Variants in CCDC73 observed in about 807,000 individuals in gnomAD.
CCDC73 encodes coiled-coil domain-containing protein 73.
A neutral mutation model predicts 116.5 loss-of-function variants in CCDC73; 95 were observed. The ratio of observed to expected loss-of-function variants is 0.82; its 90% CI spans 0.69 to 0.97. The LOEUF (loss-of-function observed/expected upper bound fraction) is 0.97, where lower values mean the gene tolerates loss of function less well. Among genes scored for constraint, CCDC73 ranks in the 50% least tolerant of loss-of-function variants. The probability of loss-of-function intolerance (pLI) is 0.00; values close to 1 mark genes in which losing one functional copy is unlikely to be tolerated. For missense variants in CCDC73, 1,066 were observed against 1,206.8 expected, an observed-to-expected ratio of 0.88 and a Z score of 1.73; for synonymous variants, 398 against 401.3, an observed-to-expected ratio of 0.99 and a Z score of 0.10.
At chr11:32,738,214 T>C (rs1850152765) in intron 2 of CCDC73, among the ~76,000 whole-genome samples, 1 of 152,260 alleles carries the variant, frequency 6.6e-6, no homozygotes, top group Non-Finnish European at 1.5e-5. Context: ...TTTGGGTATA[T>C]ACCTAGTGGT....
Position 32,771,880 on chromosome 11 carries a change from T to C in CCDC73, c.-15-11622A>G, listed in dbSNP as rs116607129. The stretch of plus-strand genomic sequence containing the variant: ...TTGCCTTACAATTTGTTTTGGTCAG[T>C]AGGCCTTGAAGTCTTTGCTCTTTGA... On this transcript the variant is annotated intron_variant, in intron 1 of 17. Coordinates refer to ENST00000335185, the MANE Select transcript of CCDC73 (RefSeq NM_001008391.4). Among the ~76,000 whole-genome samples, 1,099 of 152,346 alleles carry C rather than the reference T, an allele frequency of 7.2e-3. 17 individuals carry two copies. Among genetic ancestry groups the C allele is most frequent in the African/African-American group, 0.025 (1,059 of 41,576 alleles).
At chr11:32,685,095 T>C (rs1416596966) in intron 6 of CCDC73, among the ~76,000 whole-genome samples, 1 of 152,086 alleles carries the variant, frequency 6.6e-6, no homozygotes, top group African/African-American at 2.4e-5. Flanking sequence ...AGTACAATAA[T>C]TACTACACAT....
chr11:32,628,179 A>T (rs1855594141), intron 14 of CCDC73, among the ~76,000 whole-genome samples: 2 of 152,178 alleles, frequency 1.3e-5, no homozygotes, highest in Non-Finnish European at 2.9e-5. Context: ...AACAGGGAAA[A>T]TTGCGTTCTC....
chr11:32,713,680 GGACA>G (rs1214355669), intron 3 of CCDC73, among the ~76,000 whole-genome samples: 5 of 152,008 alleles, frequency 3.3e-5, no homozygotes, highest in Non-Finnish European at 7.4e-5. Context: ...GACACTTTCA[GGACA>G]GACACTTGGT....
rs1481503063 is a variant in CCDC73 at position 32,653,298 on chromosome 11, T to C, written c.835-71A>G. 3 of 949,246 alleles carry C rather than the reference T, an allele frequency of 3.2e-6. No homozygotes were observed. The African/African-American group carries it at 5.0e-5, about 16-fold the overall frequency. 58.8% of individuals were successfully genotyped at this position (949,246 alleles called of 1,614,324 possible). A position where few individuals can be genotyped will look rare whatever the true frequency, so the allele number is the denominator to read the frequency against. On this transcript the variant is annotated intron_variant, in intron 11 of 17. Transcript: ENST00000335185. Reference sequence around the variant, plus strand: ...TATGTTTCTAAAATCATTCTTCACATACATTTTCTAGTTTCCTAACTCACT... The same window carrying C: ...TATGTTTCTAAAATCATTCTTCACACACATTTTCTAGTTTCCTAACTCACT...
chr11:32,819,161 T>C, the CCDC73 span, among the ~76,000 whole-genome samples: 2 of 104,800 alleles, frequency 1.9e-5, no homozygotes, highest in Non-Finnish European at 3.8e-5. Flanking sequence ...ATTAGGACAG[T>C]GATTTTTTTT....
chr11:32,674,193 C>T (rs1856064227), intron 9 of CCDC73, among the ~76,000 whole-genome samples: 1 of 152,118 alleles, frequency 6.6e-6, no homozygotes, highest in Non-Finnish European at 1.5e-5. Context: ...TAAATAACTA[C>T]AAATTAAGTG....
At position 32,763,791 on chromosome 11, in the gene CCDC73, A is replaced by T. The variant is rs1850414575; in HGVS notation, c.-15-3533T>A. ...ATGACTTTGACGATTTGAGAGAAGA[A>T]GGCTTCAGATGATCAAACTTCTCCA... On this transcript the variant is annotated intron_variant, in intron 1 of 17. Transcript: ENST00000335185. Among the ~76,000 whole-genome samples, 4 of 152,248 alleles carry T rather than the reference A, an allele frequency of 2.6e-5. No homozygotes were observed. The South Asian group carries it at 8.3e-4, about 32-fold the overall frequency.
intron 17 of CCDC73, 46 bp from the exon 18 acceptor site, chr11:32,603,066 G>T: frequency 6.8e-7 from 1 of 1,464,724 alleles, no homozygotes; most frequent in Non-Finnish European, 9.3e-7. Flanking sequence ...TTATACAAAA[G>T]ATTTTAAAGA....
the CCDC73 span, among the ~76,000 whole-genome samples, chr11:32,806,975 T>C: frequency 6.6e-6 from 1 of 152,002 alleles, no homozygotes; most frequent in Non-Finnish European, 1.5e-5. Flanking sequence ...TAAGAAGGGG[T>C]CCAGGGAAGA....
At chr11:32,655,527 C>G (rs1232717002) in intron 9 of CCDC73, among the ~76,000 whole-genome samples, 4 of 152,104 alleles carry the variant, frequency 2.6e-5, no homozygotes, top group Admixed American at 2.6e-4. Flanking sequence ...CACAAAGCCA[C>G]AGAAACATGA....
intron 2 of CCDC73, among the ~76,000 whole-genome samples, chr11:32,724,655 T>C (rs961222696): frequency 6.6e-6 from 1 of 151,888 alleles, no homozygotes; most frequent in Non-Finnish European, 1.5e-5. Flanking sequence ...AAAAGATGGA[T>C]AGCACAGAGC....
chr11:32,797,597 T>C (rs77955768), upstream of CCDC73, among the ~76,000 whole-genome samples: 7,455 of 152,340 alleles, frequency 0.049, 201 homozygotes, highest in African/African-American at 0.068. Context: ...ATCTTTATTG[T>C]AGTATTTATC....
intron 13 of CCDC73, among the ~76,000 whole-genome samples, chr11:32,638,245 T>G (rs374779295): frequency 1.3e-5 from 2 of 152,372 alleles, no homozygotes; most frequent in East Asian, 3.9e-4. Flanking sequence ...TCCTCCATAC[T>G]GTTGCAAGAA....
At chr11:32,824,161 T>G in the CCDC73 span, among the ~76,000 whole-genome samples, 142 of 152,232 alleles carry the variant, frequency 9.3e-4, 1 homozygote, top group South Asian at 3.7e-3. Flanking sequence ...TCCTAAAGTG[T>G]TAGGATTACA....
At chr11:32,618,920 C>A (rs1855498183) in intron 14 of CCDC73, among the ~76,000 whole-genome samples, 1 of 152,096 alleles carries the variant, frequency 6.6e-6, no homozygotes, top group Non-Finnish European at 1.5e-5. Context: ...ATTTGCATTT[C>A]TCTGATGATT....
chr11:32,693,659 A>C (rs1856282224), intron 6 of CCDC73, among the ~76,000 whole-genome samples: 1 of 152,180 alleles, frequency 6.6e-6, no homozygotes, highest in Admixed American at 6.5e-5. Context: ...CGATGCAAAA[A>C]TCCTCAATAA....
intron 17 of CCDC73, among the ~76,000 whole-genome samples, chr11:32,608,154 T>C (rs111654188): frequency 0.43 from 65,443 of 151,334 alleles, 14,510 homozygotes; most frequent in African/African-American, 0.49. Flanking sequence ...CCCTGGCCCC[T>C]CCCAAATCTC....
At chr11:32,659,015 A>T (rs1200134807) in intron 9 of CCDC73, among the ~76,000 whole-genome samples, 2 of 152,246 alleles carry the variant, frequency 1.3e-5, no homozygotes, top group African/African-American at 4.8e-5. Context: ...GTCCTGAGAC[A>T]GATTCTTTCA....
Sources: allele counts gnomAD v4.1 joint callset (sites outside exome capture counted in the v4.1 genomes callset), GRCh38; gene constraint gnomAD v4.1.1; transcripts MANE v1.5; gene names NCBI Gene and HGNC (gene_info 2026-07-23, HGNC 2026-07-21).